CACNG5: variants seen among roughly 807,000 people sequenced by gnomAD.
CACNG5 encodes the protein calcium voltage-gated channel auxiliary subunit gamma 5.
A neutral mutation model predicts 24.8 loss-of-function variants in CACNG5; 18 were observed. That is an observed-to-expected ratio of 0.73 (90% CI 0.50 to 1.08). The LOEUF (loss-of-function observed/expected upper bound fraction) is 1.08. Among genes scored for constraint, CACNG5 ranks in the 50% least tolerant of loss-of-function variants. CACNG5 has a pLI of 0.00. For missense variants in CACNG5, 349 were observed against 367.9 expected, an observed-to-expected ratio of 0.95 and a Z score of 0.42; for synonymous variants, 157 against 149.1, an observed-to-expected ratio of 1.05 and a Z score of -0.39.
At chr17:66,841,012 CAGTT>C (rs1159350265) in intron 1 of CACNG5, among the ~76,000 whole-genome samples, 1 of 152,136 alleles carries the variant, frequency 6.6e-6, no homozygotes, top group East Asian at 1.9e-4. Context: ...AGACAGGTCT[CAGTT>C]AATTTAGGAA....
rs764716439 is a variant in CACNG5, at chr17:66,884,532, G to A, written c.441G>A (p.Val147=). 2.1e-5 allele frequency: 34 copies of A among 1,611,882 alleles called. No individual in the cohort carries two copies. The highest frequency in any genetic ancestry group is 7.7e-5 in the South Asian group (7 of 90,768). ...FFILSGLSLV[V]GLVLYISSIN... Reference sequence around the variant, plus strand: ...CCCAACCAGGCCTCTCTCTCGTGGTGGGCCTGGTGCTCTACATCTCCAGCA... The same window carrying A: ...CCCAACCAGGCCTCTCTCTCGTGGTAGGCCTGGTGCTCTACATCTCCAGCA... Residue 147 remains valine (V), a synonymous_variant, in exon 5 of 6, where the codon GTG becomes GTA. Coordinates refer to ENST00000533854, the MANE Select transcript of CACNG5 (RefSeq NM_145811.3).
rs73335110 is a variant in CACNG5 at position 66,886,448 on chromosome 17, C to T, written c.*1208C>T. Among the ~76,000 whole-genome samples, 4,847 of 152,224 alleles carry T rather than the reference C, an allele frequency of 0.032. 278 individuals carry two copies. Among genetic ancestry groups the T allele is most frequent in the African/African-American group, 0.11 (4,625 of 41,506 alleles). On this transcript the variant is annotated 3_prime_UTR_variant, in exon 6 of 6. Transcript: ENST00000533854. The stretch of plus-strand genomic sequence containing the variant: ...GACACCCATTCTTCTGGTGGGAAAC[C>T]GGAGCCAGGAGGGTTTCAATTACCC...
intron 1 of CACNG5, among the ~76,000 whole-genome samples, chr17:66,840,763 C>T (rs1188433814): frequency 6.6e-6 from 1 of 152,202 alleles, no homozygotes; most frequent in African/African-American, 2.4e-5. Context: ...GGATGGACCG[C>T]AGTGACAGCG....
chr17:66,877,606 G>A, intron 2 of CACNG5, 78 bp downstream of exon 2: 1 of 1,240,220 alleles, frequency 8.1e-7, no homozygotes, highest in Non-Finnish European at 1.1e-6. Flanking sequence ...GGGAAGAGAT[G>A]GCCAAGAGAT....
rs145737408 is a variant in CACNG5 at position 66,885,031 on chromosome 17, G to A, written c.619G>A (p.Glu207Lys). The A allele has an allele frequency of 1.3e-4, 216 of 1,614,184 alleles. 1 individual carries two copies. The African/African-American group carries it at 2.7e-3, about 20-fold the overall frequency. ...VYLFMKRYTAEDMYRPHPGFY... is the reference protein window; with the variant it reads ...VYLFMKRYTAKDMYRPHPGFY... ...CCTGTTTATGAAGCGGTACACCGCGGAGGACATGTACAGGCCCCACCCTGG... is the reference window on the plus strand; with the variant it reads ...CCTGTTTATGAAGCGGTACACCGCGAAGGACATGTACAGGCCCCACCCTGG... The change falls in exon 6 of 6, where the codon GAG becomes AAG. Residue 207 changes from glutamate (E) to lysine (K), a missense_variant. Transcript: ENST00000533854.
In CACNG5 at chr17:66,885,070, C is replaced by G. The variant is rs765113947; in HGVS notation, c.658C>G (p.Arg220Gly). 1.7e-5 allele frequency: 27 copies of G among 1,614,114 alleles called. No homozygotes were observed. Among genetic ancestry groups the G allele is most frequent in the Non-Finnish European group, 2.1e-5 (25 of 1,180,038 alleles). The change falls in exon 6 of 6, where the codon CGG (arginine) becomes GGG (glycine). Residue 220 changes from arginine to glycine, a missense_variant. By Grantham distance (125) the Arg-to-Gly change is moderately radical. Coordinates refer to ENST00000533854, the MANE Select transcript of CACNG5 (RefSeq NM_145811.3). ...YRPHPGFYRP[R>G]LSNCSDYSGQ... ...GCCCCACCCTGGCTTCTACCGCCCT[C>G]GGCTGAGCAACTGCTCCGATTACTC...
intron 4 of CACNG5, among the ~76,000 whole-genome samples, chr17:66,881,930 A>G (rs1023216718): frequency 6.6e-6 from 1 of 152,110 alleles, no homozygotes; most frequent in Admixed American, 6.6e-5. Flanking sequence ...GAGACTGGGG[A>G]AGGCATCTGA....
intron 4 of CACNG5, 41 bp from the exon 5 acceptor site, chr17:66,884,474 GC>G (rs1475516037): frequency 6.4e-7 from 1 of 1,555,406 alleles, no homozygotes; most frequent in Non-Finnish European, 8.7e-7. Context: ...AACTTCCTGG[GC>G]CTCTGGGCTG....
chr17:66,852,054 G>T (rs1976714466), intron 1 of CACNG5, among the ~76,000 whole-genome samples: 1 of 152,224 alleles, frequency 6.6e-6, no homozygotes, highest in Non-Finnish European at 1.5e-5. Context: ...CATCTAATCG[G>T]CTGGGGCCTG....
intron 5 of CACNG5, 77 bp downstream of exon 5, chr17:66,884,738 G>A (rs570069666): frequency 1.2e-6 from 2 of 1,614,032 alleles, no homozygotes; most frequent in African/African-American, 1.3e-5. Context: ...TGGGGATGGG[G>A]GAGAAGGGAC....
intron 1 of CACNG5, among the ~76,000 whole-genome samples, chr17:66,862,934 G>GTGTGTT (rs1197349274): frequency 6.7e-6 from 1 of 148,864 alleles, no homozygotes; most frequent in African/African-American, 2.4e-5. Context: ...GTGTGTGTGT[G>GTGTGTT]TGTGTCTCAG....
Position 66,886,476 on chromosome 17 carries a change from C to T in CACNG5, c.*1236C>T, listed in dbSNP as rs375146132. ...AGCCAGGAGGGTTTCAATTACCCTC[C>T]GTAAGTCCACAGAAGCCACTGCAAG... On this transcript the variant is annotated 3_prime_UTR_variant, in exon 6 of 6. Transcript: ENST00000533854. Among the ~76,000 whole-genome samples the T allele has an allele frequency of 2.4e-4, 36 of 152,264 alleles. No individual in the cohort carries two copies. Among genetic ancestry groups the T allele is most frequent in the East Asian group, 9.7e-4 (5 of 5,178 alleles).
rs1473543049 is a variant in CACNG5, at chr17:66,885,266, T to A, written c.*26T>A. On this transcript the variant is annotated 3_prime_UTR_variant, in exon 6 of 6. Coordinates refer to ENST00000533854, the MANE Select transcript of CACNG5 (RefSeq NM_145811.3). ...GCCTCGGCCGCCCCCATCCCTGGAC[T>A]GTGGGTGGCCAGACAACCCTTCCTG... 4 of 1,545,002 alleles carry A rather than the reference T, an allele frequency of 2.6e-6. No homozygotes were observed. The Admixed American group carries it at 5.5e-5, about 21-fold the overall frequency.
Position 66,877,543 on chromosome 17 carries a change from G to T in CACNG5, c.196+15G>T. 6.2e-7 allele frequency: 1 copy of T among 1,610,694 alleles called. No individual in the cohort carries two copies. Among genetic ancestry groups the T allele is most frequent in the Non-Finnish European group, 8.5e-7 (1 of 1,177,986 alleles). On this transcript the variant is annotated intron_variant, in intron 2 of 5. Coordinates refer to ENST00000533854, the MANE Select transcript of CACNG5 (RefSeq NM_145811.3). The stretch of plus-strand genomic sequence containing the variant: ...CTTCCTTGCAGGTAAGGGTGCCCAG[G>T]GTTGGGGACAGCCCTGCCCCCTGAC...
intron 1 of CACNG5, among the ~76,000 whole-genome samples, chr17:66,870,693 A>G (rs1256280712): frequency 1.3e-5 from 2 of 152,184 alleles, no homozygotes; most frequent in African/African-American, 4.8e-5. Context: ...CAGAAGTCAC[A>G]TAGCGCCAGG....
intron 1 of CACNG5, among the ~76,000 whole-genome samples, chr17:66,842,614 C>G (rs1291206850): frequency 6.6e-6 from 1 of 152,120 alleles, no homozygotes; most frequent in Non-Finnish European, 1.5e-5. Flanking sequence ...TCATGAGAAC[C>G]CGGAATCTGG....
At chr17:66,864,612 A>T (rs888284429) in intron 1 of CACNG5, among the ~76,000 whole-genome samples, 1 of 152,220 alleles carries the variant, frequency 6.6e-6, no homozygotes, top group African/African-American at 2.4e-5. Context: ...TATCACCAGA[A>T]ATGGAAGTCT....
rs753120996 is a variant in CACNG5 at position 66,893,324 on chromosome 17, C to T, written c.*8084C>T. On this transcript the variant is annotated 3_prime_UTR_variant, in exon 6 of 6. Coordinates refer to ENST00000533854, the MANE Select transcript of CACNG5 (RefSeq NM_145811.3). ...CTAAATGCAAACAACGGTGATGTGT[C>T]GTTTCCTGAAAGCCTCTACACGTTA... Among the ~76,000 whole-genome samples the T allele has an allele frequency of 3.3e-5, 5 of 152,294 alleles. No homozygotes were observed. The highest frequency in any genetic ancestry group is 1.9e-4 in the East Asian group (1 of 5,182).
chr17:66,844,417 G>A (rs1976609372), intron 1 of CACNG5, among the ~76,000 whole-genome samples: 1 of 152,204 alleles, frequency 6.6e-6, no homozygotes, highest in Non-Finnish European at 1.5e-5. Flanking sequence ...ATTCTAAAAT[G>A]AGAAGGAGAG....
Sources: gnomAD v4.1 joint callset for allele counts (sites outside exome capture counted in the v4.1 genomes callset) on GRCh38, gnomAD v4.1.1 for gene constraint, MANE v1.5 for transcripts, NCBI Gene and HGNC (gene_info 2026-07-23, HGNC 2026-07-21) for gene names.